Variants in PDE6C observed in about 807,000 individuals in gnomAD.
PDE6C encodes cone cGMP-specific 3',5'-cyclic phosphodiesterase subunit alpha'.
A neutral mutation model predicts 113.1 loss-of-function variants in PDE6C; 75 were observed. The ratio of observed to expected loss-of-function variants is 0.66; its 90% confidence interval spans 0.55 to 0.80. The LOEUF (loss-of-function observed/expected upper bound fraction) is 0.80. PDE6C is among the 30% of genes least tolerant of loss of function. The pLI is 0.00. For synonymous variants in PDE6C, 375 were observed against 363.7 expected, an observed-to-expected ratio of 1.03 and a Z score of -0.35; for missense variants, 912 against 1,038.6, an observed-to-expected ratio of 0.88 and a Z score of 1.67.
chr10:93,653,677 C>CAAAAACA (rs1554891472), intron 15 of PDE6C, among the ~76,000 whole-genome samples: 32 of 149,608 alleles, frequency 2.1e-4, no homozygotes, highest in African/African-American at 6.4e-4. Flanking sequence ...AAAACAAAAA[C>CAAAAACA]AAAAAAAAAC....
At chr10:93,654,802 C>CTTTCT (rs1554891588) in intron 15 of PDE6C, among the ~76,000 whole-genome samples, 11 of 82,674 alleles carry the variant, frequency 1.3e-4, no homozygotes, top group African/African-American at 5.1e-4. Flanking sequence ...TTCTTTCTTT[C>CTTTCT]TTTCTTTCTT....
chr10:93,654,073 T>C (rs1452242809), intron 15 of PDE6C, among the ~76,000 whole-genome samples: 1 of 152,246 alleles, frequency 6.6e-6, no homozygotes, highest in Non-Finnish European at 1.5e-5. Flanking sequence ...ATAATAATAA[T>C]GATACAACAA....
chr10:93,640,368 C>T (rs2058553432), intron 12 of PDE6C, 82 bp from the exon 13 acceptor site: 1 of 1,269,418 alleles, frequency 7.9e-7, no homozygotes. Context: ...AAGACCAACA[C>T]ATCTTTTTAG....
At chr10:93,657,988 T>G (rs1337774998) in intron 16 of PDE6C, among the ~76,000 whole-genome samples, 1 of 151,598 alleles carries the variant, frequency 6.6e-6, no homozygotes, top group African/African-American at 2.4e-5. Context: ...CTGGGCAACA[T>G]AGCAAGACTG....
At position 93,637,487 on chromosome 10, in the gene PDE6C, T is replaced by C. The variant is rs569429480; in HGVS notation, c.1482+424T>C. ...CTCTTCTGGAGTCTGAAGGCTCCAT[T>C]CTTTCGTGTTGTTGCCAGTAGGCCA... On this transcript the variant is annotated intron_variant, in intron 11 of 21. Transcript: ENST00000371447. Among the ~76,000 whole-genome samples, 12 of 152,290 alleles carry C rather than the reference T, an allele frequency of 7.9e-5. No individual in the cohort carries two copies. In the East Asian group the frequency reaches 2.3e-3, roughly 29 times the overall value.
chr10:93,637,463 T>C (rs2058538933), intron 11 of PDE6C, among the ~76,000 whole-genome samples: 1 of 152,210 alleles, frequency 6.6e-6, no homozygotes, highest in East Asian at 1.9e-4. Flanking sequence ...TTCTAGCTTC[T>C]CTTCTGGAGT....
At chr10:93,659,228 A>T in intron 18 of PDE6C, 61 bp downstream of exon 18, 1 of 1,126,550 alleles carries the variant, frequency 8.9e-7, no homozygotes, top group Non-Finnish European at 1.3e-6. Flanking sequence ...GTCCCATGTA[A>T]ATGTCCACCT....
intron 8 of PDE6C, among the ~76,000 whole-genome samples, chr10:93,630,778 A>G (rs971135677): frequency 6.6e-6 from 1 of 152,166 alleles, no homozygotes; most frequent in African/African-American, 2.4e-5. Context: ...GGAAAGCTGT[A>G]CACACTTGCT....
intron 8 of PDE6C, among the ~76,000 whole-genome samples, chr10:93,632,070 T>C (rs2058504427): frequency 6.6e-6 from 1 of 152,186 alleles, no homozygotes; most frequent in Non-Finnish European, 1.5e-5. Context: ...CCGCCTTCCT[T>C]GCCTGGTGAC....
intron 16 of PDE6C, among the ~76,000 whole-genome samples, chr10:93,656,431 T>G (rs2058638149): frequency 6.6e-6 from 1 of 152,160 alleles, no homozygotes. Context: ...CATTTTCTCA[T>G]AAGTGAACTA....
chr10:93,615,686 C>A (rs1163683969), intron 1 of PDE6C, among the ~76,000 whole-genome samples: 1 of 152,180 alleles, frequency 6.6e-6, no homozygotes, highest in Non-Finnish European at 1.5e-5. Context: ...CCGGCCCAGG[C>A]ATTGGTATTT....
chr10:93,617,400 G>C (rs548476309), intron 1 of PDE6C, among the ~76,000 whole-genome samples: 35 of 152,242 alleles, frequency 2.3e-4, no homozygotes, highest in South Asian at 8.3e-4. Flanking sequence ...ACAGTCCATT[G>C]AACTTAACAT....
rs1169633316 is a variant in PDE6C, at chr10:93,612,672, G to A, written c.-54G>A. 1.8e-5 allele frequency: 29 copies of A among 1,611,146 alleles called. No homozygotes were observed. The South Asian group carries it at 2.0e-4, about 11-fold the overall frequency. On this transcript the variant is annotated 5_prime_UTR_variant, in exon 1 of 22. Transcript: ENST00000371447. ...TTTCCTTCTCATCACTCTGCCTCAG[G>A]TAGTGCTCTGAAGGTCGTCCTTTCT...
At position 93,613,024 on chromosome 10, in the gene PDE6C, T is replaced by C. The variant is rs372972245; in HGVS notation, c.299T>C (p.Leu100Pro). The C allele has an allele frequency of 1.9e-6, 3 of 1,614,074 alleles. No individual in the cohort carries two copies. The African/African-American group carries it at 4.0e-5, about 22-fold the overall frequency. The change falls in exon 1 of 22, where the codon CTG (leucine) becomes CCG (proline). Residue 100 changes from leucine (L) to proline (P), a missense_variant. Coordinates refer to ENST00000371447, the MANE Select transcript of PDE6C (RefSeq NM_006204.4). ...CAGGCTGACCGCTGCAGCATGTTCCTGTGCCGGTCCCGGAACGGCATACCT... is the reference window on the plus strand; with the variant it reads ...CAGGCTGACCGCTGCAGCATGTTCCCGTGCCGGTCCCGGAACGGCATACCT... ...LLQADRCSMF[L>P]CRSRNGIPEV...
chr10:93,638,551 G>T (rs1276500933), intron 11 of PDE6C, among the ~76,000 whole-genome samples: 1 of 152,130 alleles, frequency 6.6e-6, no homozygotes, highest in Non-Finnish European at 1.5e-5. Context: ...AAGGAAGAAG[G>T]ATCTTATGTT....
intron 20 of PDE6C, 93 bp from the exon 21 acceptor site, chr10:93,662,935 G>A: frequency 1.7e-6 from 2 of 1,158,356 alleles, no homozygotes; most frequent in Non-Finnish European, 2.5e-6. Context: ...TCTGAGTGCT[G>A]TAACAATTCC....
chr10:93,662,460 CAAAAAAAAAA>C (rs11364728), intron 19 of PDE6C, 90 bp from the exon 20 acceptor site: 13 of 320,800 alleles, frequency 4.1e-5, no homozygotes, highest in Non-Finnish European at 7.0e-5. Flanking sequence ...GACTCTGCCT[CAAAAAAAAAA>C]AAAAAAAAAA....
chr10:93,622,644 TTTTTTGTTTTTTTTTTTGTTG>T (rs1424123396), intron 4 of PDE6C, among the ~76,000 whole-genome samples: 3 of 13,000 alleles, frequency 2.3e-4, no homozygotes, highest in South Asian at 8.6e-3. Flanking sequence ...CACAGGTTTT[TTTTTTGTTTTTTTTTTTGTTG>T]TTTTTTTTTT....
chr10:93,618,788 CTG>C (rs986372953), intron 1 of PDE6C, among the ~76,000 whole-genome samples: 13 of 152,188 alleles, frequency 8.5e-5, no homozygotes, highest in African/African-American at 3.1e-4. Flanking sequence ...CATTTGAGCT[CTG>C]TGAGTTCTAT....
Sources: allele counts gnomAD v4.1 joint callset (sites outside exome capture counted in the v4.1 genomes callset), GRCh38; gene constraint gnomAD v4.1.1; transcripts MANE v1.5; gene names NCBI Gene and HGNC (gene_info 2026-07-23, HGNC 2026-07-21).